Variants in TMEM132B observed in about 807,000 individuals in gnomAD.
TMEM132B encodes the protein transmembrane protein 132B.
TMEM132B carries 18 observed loss-of-function variants against 90.8 expected under a neutral mutation model. The ratio of observed to expected loss-of-function variants is 0.20; its 90% CI spans 0.14 to 0.29. The LOEUF (loss-of-function observed/expected upper bound fraction) is 0.29, where lower values mean the gene tolerates loss of function less well. Ranked by LOEUF, TMEM132B falls within the 10% of genes least tolerant of loss-of-function variation. The pLI is 1.00. For missense variants in TMEM132B, 1,096 were observed against 1,326.8 expected (o/e 0.83, Z 2.70); for synonymous variants, 504 against 523.3 (o/e 0.96, Z 0.50).
At chr12:125,265,454 C>T (rs1176516918) in intron 1 of TMEM132B, among the ~76,000 whole-genome samples, 2 of 152,200 alleles carry the variant, frequency 1.3e-5, no homozygotes, top group African/African-American at 4.8e-5. Context: ...CTCTGCCTCT[C>T]AACATATCTC....
chr12:125,648,989 C>T (rs1364133135), intron 6 of TMEM132B, among the ~76,000 whole-genome samples: 1 of 152,150 alleles, frequency 6.6e-6, no homozygotes, highest in Non-Finnish European at 1.5e-5. Flanking sequence ...GAGACATTCC[C>T]TGTGACATAT....
chr12:125,566,411 A>G (rs952040239), intron 4 of TMEM132B, among the ~76,000 whole-genome samples: 5 of 152,266 alleles, frequency 3.3e-5, no homozygotes, highest in African/African-American at 1.2e-4. Context: ...GTAAGACATA[A>G]ATAGTGCTCA....
At chr12:125,583,245 A>T (rs1379427278) in intron 4 of TMEM132B, among the ~76,000 whole-genome samples, 1 of 152,170 alleles carries the variant, frequency 6.6e-6, no homozygotes, top group Admixed American at 6.5e-5. Flanking sequence ...GGATCAATCA[A>T]CAGAAGAAGT....
rs750996278 is a variant in TMEM132B at position 125,406,964 on chromosome 12, G to C, written c.960-8567G>C. On this transcript the variant is annotated intron_variant, in intron 2 of 8. Coordinates refer to ENST00000682704, the MANE Select transcript of TMEM132B (RefSeq NM_001366854.1). This position sits in a 1 kb window ranked among gnomAD's most constrained non-coding sequence, Gnocchi z 8.3. ...CTCCCAGTTGACCTTTCCCAGTGGA[G>C]TCGTATGGACAGCATTTGCTTCTCC... Among the ~76,000 whole-genome samples, 2 of 152,234 alleles carry C rather than the reference G, an allele frequency of 1.3e-5. No individual in the cohort carries two copies. Among genetic ancestry groups the C allele is most frequent in the African/African-American group, 2.4e-5 (1 of 41,466 alleles).
chr12:125,652,736 G>A (rs1593047890), intron 8 of TMEM132B, 104 bp downstream of exon 8: 1 of 1,332,950 alleles, frequency 7.5e-7, no homozygotes, highest in East Asian at 2.5e-5. Context: ...GCCTAGGACT[G>A]GGGATTCTTG....
chr12:125,317,531 C>T (rs1489565347), intron 1 of TMEM132B, among the ~76,000 whole-genome samples: 3 of 151,906 alleles, frequency 2.0e-5, no homozygotes, highest in Non-Finnish European at 4.4e-5. Flanking sequence ...TTGGTTTTGG[C>T]GAGGGGTCCT....
At chr12:125,284,231 T>G (rs1875282961) in intron 1 of TMEM132B, among the ~76,000 whole-genome samples, 1 of 152,224 alleles carries the variant, frequency 6.6e-6, no homozygotes, top group African/African-American at 2.4e-5. Flanking sequence ...TCAGTCTCTC[T>G]TCCTCCTACA....
intron 3 of TMEM132B, among the ~76,000 whole-genome samples, chr12:125,432,389 A>ATGTATGTATGTG (rs1566034669): frequency 1.4e-5 from 1 of 70,698 alleles, no homozygotes; most frequent in African/African-American, 7.1e-5. Context: ...ATATATATAT[A>ATGTATGTATGTG]TATATATATG....
Position 125,406,612 on chromosome 12 carries a change from G to C in TMEM132B, c.960-8919G>C, listed in dbSNP as rs993789682. On this transcript the variant is annotated intron_variant, in intron 2 of 8. Transcript: ENST00000682704. The surrounding 1 kb of genome is among the most constrained non-coding windows in gnomAD (Gnocchi z 8.3). Reference sequence around the variant, plus strand: ...CGGAGGACTGGGTGGATGATATGGGGTATAAAAATATTTCACAGTCTTGAT... The same window carrying C: ...CGGAGGACTGGGTGGATGATATGGGCTATAAAAATATTTCACAGTCTTGAT... 6.6e-6 allele frequency among the ~76,000 whole-genome samples: 1 copy of C among 152,156 alleles called. No individual in the cohort carries two copies. Among genetic ancestry groups the C allele is most frequent in the African/African-American group, 2.4e-5 (1 of 41,438 alleles).
intron 2 of TMEM132B, among the ~76,000 whole-genome samples, chr12:125,389,013 T>TACACACAC (rs71447042): frequency 0.012 from 1,672 of 140,178 alleles, 10 homozygotes; most frequent in Non-Finnish European, 0.021. Flanking sequence ...ATATTTTCTG[T>TACACACAC]ACACACACAC....
rs1244399950 is a variant in TMEM132B, at chr12:125,654,176, G to A, written c.2718G>A (p.Met906Ile). ...SRGLTDLEIGMYALLCVFCLA... is the reference protein window; with the variant it reads ...SRGLTDLEIGIYALLCVFCLA... ...GGCTAACGGACTTGGAGATTGGCATGTATGCCTTGCTCTGCGTCTTCTGTC... is the reference window on the plus strand; with the variant it reads ...GGCTAACGGACTTGGAGATTGGCATATATGCCTTGCTCTGCGTCTTCTGTC... The change falls in exon 9 of 9, where the codon ATG becomes ATA. Residue 906 changes from methionine to isoleucine, a missense_variant. Physicochemically the swap from Met to Ile is conservative, Grantham distance 10. Coordinates refer to ENST00000682704, the MANE Select transcript of TMEM132B (RefSeq NM_001366854.1). This position sits in a 1 kb window ranked among gnomAD's most constrained non-coding sequence, Gnocchi z 5.8. The A allele has an allele frequency of 6.2e-7, 1 of 1,614,120 alleles. No individual in the cohort carries two copies. Among genetic ancestry groups the A allele is most frequent in the African/African-American group, 1.3e-5 (1 of 74,944 alleles).
chr12:125,330,231 G>A (rs535365410), intron 1 of TMEM132B, among the ~76,000 whole-genome samples: 1 of 152,254 alleles, frequency 6.6e-6, no homozygotes, highest in Admixed American at 6.5e-5. Flanking sequence ...TTTGGGGACA[G>A]TGACTCCCTT....
intron 1 of TMEM132B, among the ~76,000 whole-genome samples, chr12:125,312,313 G>A (rs1234212027): frequency 3.3e-5 from 5 of 152,168 alleles, no homozygotes; most frequent in Admixed American, 6.5e-5. Flanking sequence ...CAGCTGCCTC[G>A]CATGTCCTTT....
At chr12:125,202,169 G>A (rs1873078024) in intron 1 of TMEM132B, among the ~76,000 whole-genome samples, 1 of 152,206 alleles carries the variant, frequency 6.6e-6, no homozygotes, top group Non-Finnish European at 1.5e-5. Context: ...GCCAATGAGG[G>A]CCAGCCCTGG....
intron 4 of TMEM132B, among the ~76,000 whole-genome samples, chr12:125,520,975 A>G (rs1441292182): frequency 6.6e-6 from 1 of 152,208 alleles, no homozygotes; most frequent in Non-Finnish European, 1.5e-5. Context: ...GCCAATCTAG[A>G]CGGGGAAGTA....
chr12:125,244,691 A>G (rs974680053), intron 1 of TMEM132B, among the ~76,000 whole-genome samples: 4 of 152,236 alleles, frequency 2.6e-5, no homozygotes, highest in East Asian at 1.9e-4. Context: ...AGAGAAGGTC[A>G]GTTCATTCAC....
intron 1 of TMEM132B, among the ~76,000 whole-genome samples, chr12:125,332,282 T>G (rs1876799642): frequency 6.6e-6 from 1 of 152,172 alleles, no homozygotes; most frequent in Non-Finnish European, 1.5e-5. Flanking sequence ...TGACTATTAT[T>G]ATTATTATTT....
chr12:125,578,951 G>A (rs1208182532), intron 4 of TMEM132B, among the ~76,000 whole-genome samples: 2 of 152,054 alleles, frequency 1.3e-5, no homozygotes, highest in African/African-American at 4.8e-5. Context: ...TTTTGAGTTC[G>A]CTGAACTCTT....
chr12:125,327,388 C>T (rs950385658), intron 1 of TMEM132B: 6 of 152,476 alleles, frequency 3.9e-5, no homozygotes, highest in African/African-American at 1.4e-4. Flanking sequence ...GCCTCTTTGT[C>T]TTTTCTTCCC....
Sources: allele counts gnomAD v4.1 joint callset (sites outside exome capture counted in the v4.1 genomes callset), GRCh38; gene constraint gnomAD v4.1.1; non-coding constraint Gnocchi (gnomAD v3.1); transcripts MANE v1.5; gene names NCBI Gene and HGNC (gene_info 2026-07-23, HGNC 2026-07-21).